The following ZNF575 variants were observed in gnomAD, a reference collection of about 807,000 sequenced individuals.
ZNF575 encodes the protein zinc finger protein 575.
In ZNF575, 17 loss-of-function variants were observed where a neutral mutation model predicts 17.5. The observed-to-expected ratio is 0.97, with a 90% CI of 0.66 to 1.45. The LOEUF (loss-of-function observed/expected upper bound fraction) is 1.45, where lower values mean the gene tolerates loss of function less well. ZNF575 is among the 40% of genes most tolerant of loss of function. ZNF575 has a pLI of 0.00. For missense variants in ZNF575, 352 were observed against 359.2 expected, an observed-to-expected ratio of 0.98 and a Z score of 0.16; for synonymous variants, 146 against 158.3, an observed-to-expected ratio of 0.92 and a Z score of 0.58.
At chr19:43,532,489 T>C (rs1229105115), upstream of ZNF575, among the ~76,000 whole-genome samples, 1 of 152,166 alleles carries the variant, frequency 6.6e-6, no homozygotes, top group Non-Finnish European at 1.5e-5. Flanking sequence ...CTCCATTTTA[T>C]AGATGAGGAA....
In ZNF575 at chr19:43,534,259, T is replaced by C. The variant is rs913102820; in HGVS notation, c.-86-78T>C. On this transcript the variant is annotated intron_variant, in intron 2 of 3. Transcript: ENST00000314228. ...GCTCACTGTGCTCTTAGGCTCCGCCTCCCCGCTAAGCCTGCCCCCGCCTTA... is the reference window on the plus strand; with the variant it reads ...GCTCACTGTGCTCTTAGGCTCCGCCCCCCCGCTAAGCCTGCCCCCGCCTTA... The C allele has an allele frequency of 3.7e-5, 24 of 641,688 alleles. No individual in the cohort carries two copies. In the Middle Eastern group the frequency reaches 2.2e-3, roughly 60 times the overall value. 39.7% of individuals were successfully genotyped at this position (641,688 alleles called of 1,614,324 possible).
chr19:43,531,646 T>A (rs1972345721), upstream of ZNF575, among the ~76,000 whole-genome samples: 1 of 152,184 alleles, frequency 6.6e-6, no homozygotes, highest in Non-Finnish European at 1.5e-5. Context: ...GGAGCTCATT[T>A]AGATCTTAAG....
chr19:43,531,941 A>AATTTTTT, upstream of ZNF575: 1 of 173,046 alleles, frequency 5.8e-6, no homozygotes, highest in South Asian at 8.2e-5. Context: ...ATTAAGCCAG[A>AATTTTTT]CTTTTTTTTT....
rs139734998 is a variant in ZNF575, at chr19:43,535,329, C to T, written c.380C>T (p.Ser127Phe). The change falls in exon 4 of 4, where the codon TCC becomes TTC. Residue 127 changes from serine (S) to phenylalanine (F), a missense_variant. Ser to Phe is a radical substitution (Grantham distance 155). Transcript: ENST00000314228. ...CACCCGTGCCCACACTGCCCGAAGTCCTTTGGCCACCGCTCCAAGCTGGCG... is the reference window on the plus strand; with the variant it reads ...CACCCGTGCCCACACTGCCCGAAGTTCTTTGGCCACCGCTCCAAGCTGGCG... ...RPHPCPHCPKSFGHRSKLAAH... is the reference protein window; with the variant it reads ...RPHPCPHCPKFFGHRSKLAAH... The T allele has an allele frequency of 2.2e-5, 35 of 1,604,908 alleles. No individual in the cohort carries two copies. The African/African-American group carries it at 4.7e-4, about 22-fold the overall frequency.
chr19:43,534,966 A>G, intron 3 of ZNF575, 63 bp from the exon 4 acceptor site: 2 of 1,346,270 alleles, frequency 1.5e-6, no homozygotes, highest in Non-Finnish European at 1.9e-6. Context: ...GTCGTGGCGG[A>G]GCCTGGCCTA....
upstream of ZNF575, chr19:43,532,911 T>TG (rs1454514163): frequency 6.6e-6 from 1 of 152,288 alleles, no homozygotes; most frequent in Non-Finnish European, 1.5e-5. Flanking sequence ...TATTGGGCAC[T>TG]GGCTCTCTTT....
At position 43,534,483 on chromosome 19, in the gene ZNF575, G is replaced by T; in HGVS notation, c.61G>T (p.Glu21Ter). 1 of 1,477,860 alleles carries T rather than the reference G, an allele frequency of 6.8e-7. No homozygotes were observed. The highest frequency in any genetic ancestry group is 9.0e-7 in the Non-Finnish European group (1 of 1,112,542). The allele number at this position is 1,477,860 out of a possible 1,614,324, so 91.5% of individuals were successfully genotyped here. ...GATDPSPTGK[E>*]PVTKEAPHQG... is the part of the protein sequence containing the mutation. The stretch of plus-strand genomic sequence containing the variant: ...TACCGATCCTAGTCCCACTGGCAAG[G>T]AACCAGTGACCAAAGAAGGTGAGAG... The change falls in exon 3 of 4, where the codon GAA (glutamate) becomes TAA (stop). Residue 21 changes from glutamate (E) to a stop codon, truncating the protein, a stop_gained. Transcript: ENST00000314228. LOFTEE classifies it high-confidence loss of function.
rs767732853 is a variant in ZNF575, at chr19:43,535,671, A to G, written c.722A>G (p.Lys241Arg). Residue 241 changes from lysine to arginine, a missense_variant, in exon 4 of 4, where the codon AAG (lysine) becomes AGG (arginine). Coordinates refer to ENST00000314228, the MANE Select transcript of ZNF575 (RefSeq NM_174945.3). ...CGCAGCCACCACCAGGTGGAGCACA[A>G]GGGGGAGAGAGACTGAGCCCTCCCT... ...HQRSHHQVEH[K>R]GERD 9.9e-6 allele frequency: 16 copies of G among 1,609,470 alleles called. No homozygotes were observed. The East Asian group carries it at 3.6e-4, about 36-fold the overall frequency.
rs774895285 is a variant in ZNF575, at chr19:43,535,759, C to G, written c.*72C>G. 2.7e-6 allele frequency: 4 copies of G among 1,466,008 alleles called. No homozygotes were observed. The highest frequency in any genetic ancestry group is 3.6e-6 in the Non-Finnish European group (4 of 1,100,940). The allele number at this position is 1,466,008 out of a possible 1,614,324, so 90.8% of individuals were successfully genotyped here. A position where few individuals can be genotyped will look rare whatever the true frequency, so the allele number is the denominator to read the frequency against. On this transcript the variant is annotated 3_prime_UTR_variant, in exon 4 of 4. Coordinates refer to ENST00000314228, the MANE Select transcript of ZNF575 (RefSeq NM_174945.3). ...TAAGAGGTGGGATTTCTAAGACCGACTGTATGAGCTCGCCTCTTCCAGATA... is the reference window on the plus strand; with the variant it reads ...TAAGAGGTGGGATTTCTAAGACCGAGTGTATGAGCTCGCCTCTTCCAGATA...
At position 43,535,130 on chromosome 19, in the gene ZNF575, C is replaced by A. The variant is rs768507012; in HGVS notation, c.181C>A (p.Arg61Ser). Residue 61 changes from arginine to serine, a missense_variant, in exon 4 of 4, where the codon CGC becomes AGC. Transcript: ENST00000314228. ...PRPRRRPPPQ[R>S]PHRCPDCDKA... is the part of the protein sequence containing the mutation. ...GCCTCGCCGGCGGCCCCCGCCCCAG[C>A]GCCCGCACCGCTGCCCCGACTGTGA... is the stretch of plus-strand genomic sequence containing the variant. 6.4e-7 allele frequency: 1 copy of A among 1,554,706 alleles called. No individual in the cohort carries two copies. Among genetic ancestry groups the A allele is most frequent in the Non-Finnish European group, 8.7e-7 (1 of 1,152,576 alleles).
At chr19:43,534,971 G>A in intron 3 of ZNF575, 58 bp from the exon 4 acceptor site, 1 of 1,366,950 alleles carries the variant, frequency 7.3e-7, no homozygotes, top group Non-Finnish European at 9.4e-7. Context: ...GGCGGAGCCT[G>A]GCCTAGGCCC....
In ZNF575 at chr19:43,535,036, C is replaced by G; in HGVS notation, c.87C>G (p.His29Gln). 1 of 1,462,902 alleles carries G rather than the reference C, an allele frequency of 6.8e-7. No homozygotes were observed. Among genetic ancestry groups the G allele is most frequent in the South Asian group, 1.4e-5 (1 of 73,456 alleles). 90.6% of individuals were successfully genotyped at this position (1,462,902 alleles called of 1,614,324 possible). The part of the protein sequence containing the change: ...GKEPVTKEAP[H>Q]QGPPQKPSQS... ...AGCCCTCCTGTCCCCCAGCTCCCCA[C>G]CAGGGCCCACCGCAGAAGCCCAGCC... The change falls in exon 4 of 4, where the codon CAC becomes CAG. Residue 29 changes from histidine (H) to glutamine (Q), a missense_variant. By Grantham distance (24) the His-to-Gln change is conservative (BLOSUM62 0). Transcript: ENST00000314228.
upstream of ZNF575, chr19:43,531,788 A>AT (rs1972347513): frequency 7.4e-6 from 5 of 672,420 alleles, no homozygotes; most frequent in Middle Eastern, 2.4e-4. Flanking sequence ...ATTATTTTAA[A>AT]AACTTTTTTT....
chr19:43,531,380 G>A (rs1438604666), upstream of ZNF575, among the ~76,000 whole-genome samples: 2 of 152,118 alleles, frequency 1.3e-5, no homozygotes, highest in Non-Finnish European at 2.9e-5. Context: ...TCAGGAGATC[G>A]AGACCAGCCT....
chr19:43,531,672 G>A (rs1972345994), upstream of ZNF575: 1 of 455,284 alleles, frequency 2.2e-6, no homozygotes, highest in East Asian at 3.5e-5. Context: ...CAAATCAAGT[G>A]TAATAAAAAG....
rs764615050 is a variant in ZNF575 at position 43,535,542 on chromosome 19, G to A, written c.593G>A (p.Cys198Tyr). 60 of 1,613,844 alleles carry A rather than the reference G, an allele frequency of 3.7e-5. No individual in the cohort carries two copies. In the Admixed American group the frequency reaches 9.8e-4, roughly 26 times the overall value. The change falls in exon 4 of 4, where the codon TGT becomes TAT. Residue 198 changes from cysteine (C) to tyrosine (Y), a missense_variant. Cys to Tyr is a radical substitution (Grantham distance 194). Transcript: ENST00000314228. ...FPSKLAAHRL[C>Y]HDPPTAPGSQ... Reference sequence around the variant, plus strand: ...TCCAAGCTGGCCGCCCATCGCCTATGTCACGACCCCCCAACCGCGCCCGGC... The same window carrying A: ...TCCAAGCTGGCCGCCCATCGCCTATATCACGACCCCCCAACCGCGCCCGGC...
chr19:43,533,617 C>T (rs953382813), intron 1 of ZNF575, 96 bp downstream of exon 1: 8 of 152,386 alleles, frequency 5.2e-5, no homozygotes, highest in South Asian at 2.1e-4. Context: ...CGCCTAGATT[C>T]TGGAGATGCT....
At position 43,535,501 on chromosome 19, in the gene ZNF575, G is replaced by C; in HGVS notation, c.552G>C (p.Lys184Asn). 6.2e-7 allele frequency: 1 copy of C among 1,613,826 alleles called. No homozygotes were observed. The highest frequency in any genetic ancestry group is 8.5e-7 in the Non-Finnish European group (1 of 1,179,912). ...CCTATCCTTGCCCGCATTGCCCCAA[G>C]GCTTTCTCATTTCCCTCCAAGCTGG... The part of the protein sequence containing the change: ...ARPYPCPHCP[K>N]AFSFPSKLAA... The change falls in exon 4 of 4, where the codon AAG (lysine) becomes AAC (asparagine). Residue 184 changes from lysine (K) to asparagine (N), a missense_variant. By Grantham distance (94) the Lys-to-Asn change is moderately conservative. Coordinates refer to ENST00000314228, the MANE Select transcript of ZNF575 (RefSeq NM_174945.3).
intron 3 of ZNF575, 128 bp downstream of exon 3, chr19:43,534,629 A>T: frequency 1.1e-6 from 1 of 909,040 alleles, no homozygotes. Context: ...GATCCCCAAA[A>T]CTGCCACATT....
Sources: allele counts gnomAD v4.1 joint callset (sites outside exome capture counted in the v4.1 genomes callset), GRCh38; gene constraint gnomAD v4.1.1; transcripts MANE v1.5; gene names NCBI Gene and HGNC (gene_info 2026-07-23, HGNC 2026-07-21).